The following TBCD variants were observed in gnomAD, a reference collection of about 807,000 sequenced individuals.
TBCD encodes tubulin folding cofactor D, also known as tubulin-specific chaperone D.
TBCD carries 105 observed loss-of-function variants against 169.3 expected under a neutral mutation model. That is an observed-to-expected ratio of 0.62 (90% CI 0.53 to 0.73). The LOEUF is 0.73. Ranked by LOEUF, TBCD falls within the 30% of genes least tolerant of loss-of-function variation. The pLI is 0.00. For synonymous variants in TBCD, 700 were observed against 643.9 expected (o/e 1.09, Z -1.32); for missense variants, 1,444 against 1,600.1 (o/e 0.90, Z 1.66).
Position 82,926,219 on chromosome 17 carries a change from T to C in TBCD, c.2380-181T>C, listed in dbSNP as rs868291328. The stretch of plus-strand genomic sequence containing the variant: ...GGCCGTGGAGAGGCTGGAGGTGACC[T>C]CTCCCCGGGTGTCCTTCCTGGGTTG... On this transcript the variant is annotated intron_variant, in intron 27 of 38. Coordinates refer to ENST00000355528, the MANE Select transcript of TBCD (RefSeq NM_005993.5). 4.8e-3 allele frequency among the ~76,000 whole-genome samples: 664 copies of C among 138,534 alleles called. 2 individuals carry two copies. The highest frequency in any genetic ancestry group is 7.2e-3 in the African/African-American group (274 of 38,162). The allele number at this position is 138,534 out of a possible 152,430, so 90.9% of individuals were successfully genotyped here. A position where few individuals can be genotyped will look rare whatever the true frequency, so the allele number is the denominator to read the frequency against.
At position 82,821,809 on chromosome 17, in the gene TBCD, C is replaced by G. The variant is rs187486171; in HGVS notation, c.1318+6875C>G. ...TGTGAACCTGCATCAGGTAGTAAGC[C>G]CTGCATGTCGGAAATACAGACTGCC... On this transcript the variant is annotated intron_variant, in intron 13 of 38. Coordinates refer to ENST00000355528, the MANE Select transcript of TBCD (RefSeq NM_005993.5). Among the ~76,000 whole-genome samples, 253 of 152,096 alleles carry G rather than the reference C, an allele frequency of 1.7e-3. 3 individuals carry two copies. Among genetic ancestry groups the G allele is most frequent in the Middle Eastern group, 0.01 (3 of 292 alleles).
chr17:82,830,011 G>T (rs1598765398), intron 13 of TBCD: 1 of 1,417,008 alleles, frequency 7.1e-7, no homozygotes, highest in Admixed American at 2.1e-5. Flanking sequence ...TTGTTTGTTT[G>T]TTTGTTTTTT....
intron 9 of TBCD, among the ~76,000 whole-genome samples, chr17:82,805,562 C>G (rs1481145224): frequency 6.6e-6 from 1 of 152,144 alleles, no homozygotes; most frequent in Non-Finnish European, 1.5e-5. Context: ...GGGTGCTTCC[C>G]CAGGGAAGGC....
chr17:82,833,215 C>T lies in TBCD; in HGVS notation c.1318+18281C>T, dbSNP rs917719946. Among the ~76,000 whole-genome samples the T allele has an allele frequency of 1.3e-4, 20 of 152,120 alleles. No homozygotes were observed. The highest frequency in any genetic ancestry group is 1.8e-4 in the Non-Finnish European group (12 of 67,968). On this transcript the variant is annotated intron_variant, in intron 13 of 38. Transcript: ENST00000355528. This position sits in a 1 kb window ranked among gnomAD's most constrained non-coding sequence, Gnocchi z 4.7. ...TTTACACAGAGCGTGGGCTGGCCAC[C>T]GTCTACTTGCTCCTACCTGCTGGCT...
chr17:82,894,708 C>T (rs1431935616), intron 17 of TBCD, among the ~76,000 whole-genome samples: 3 of 152,178 alleles, frequency 2.0e-5, no homozygotes, highest in Non-Finnish European at 4.4e-5. Flanking sequence ...TCTACTGGCC[C>T]GATGCAGTGG....
chr17:82,884,215 AT>A lies in TBCD; in HGVS notation c.1533+17del. 1 of 1,595,774 alleles carries A rather than the reference AT, an allele frequency of 6.3e-7. No individual in the cohort carries two copies. The highest frequency in any genetic ancestry group is 8.5e-7 in the Non-Finnish European group (1 of 1,170,168). ...AAGAGCAGCCTCTGTAAGTTTTCTCATTTTGATATTTCCTTTCCTGAAGGTG... is the reference window on the plus strand; with the variant it reads ...AAGAGCAGCCTCTGTAAGTTTTCTCATTTGATATTTCCTTTCCTGAAGGTG... On this transcript the variant is annotated intron_variant, in intron 15 of 38. Coordinates refer to ENST00000355528, the MANE Select transcript of TBCD (RefSeq NM_005993.5). The surrounding 1 kb of genome is among the most constrained non-coding windows in gnomAD (Gnocchi z 4.2).
In TBCD at chr17:82,832,273, C is replaced by T. The variant is rs375467494; in HGVS notation, c.1318+17339C>T. 168 of 1,614,186 alleles carry T rather than the reference C, an allele frequency of 1.0e-4. No homozygotes were observed. Among genetic ancestry groups the T allele is most frequent in the Non-Finnish European group, 1.3e-4 (156 of 1,180,040 alleles). ...GTTAGATTTAGGGCACTTGGGAACT[C>T]GATCCTGCTCTGATACTAAAGTAAT... is the stretch of plus-strand genomic sequence containing the variant. On this transcript the variant is annotated intron_variant, in intron 13 of 38. Transcript: ENST00000355528. The surrounding 1 kb of genome is among the most constrained non-coding windows in gnomAD (Gnocchi z 4.9).
intron 13 of TBCD, among the ~76,000 whole-genome samples, chr17:82,824,939 C>CT (rs35023165): frequency 0.016 from 2,411 of 149,566 alleles, 75 homozygotes; most frequent in African/African-American, 0.055. Flanking sequence ...AAATAAGTCT[C>CT]TTTTTTTTTT....
intron 13 of TBCD, among the ~76,000 whole-genome samples, chr17:82,869,278 C>T (rs1194081955): frequency 6.6e-6 from 1 of 152,206 alleles, no homozygotes; most frequent in African/African-American, 2.4e-5. Flanking sequence ...TCCCCATATA[C>T]TTACACCACG....
intron 12 of TBCD, among the ~76,000 whole-genome samples, chr17:82,813,756 C>G: frequency 6.6e-6 from 1 of 152,210 alleles, no homozygotes; most frequent in South Asian, 2.1e-4. Flanking sequence ...GCAAGGGGCT[C>G]ACGGAGCCTC....
At chr17:82,917,611 T>C (rs1196912595) in intron 23 of TBCD, among the ~76,000 whole-genome samples, 1 of 152,214 alleles carries the variant, frequency 6.6e-6, no homozygotes, top group Non-Finnish European at 1.5e-5. Context: ...TGATGTTGGC[T>C]CTTGACGGGA....
rs746743801 is a variant in TBCD at position 82,923,664 on chromosome 17, TCGGCC to T, written c.2193_2197del (p.Ala732GlyfsTer6). On this transcript the variant is annotated frameshift_variant, in exon 26 of 39. Coordinates refer to ENST00000355528, the MANE Select transcript of TBCD (RefSeq NM_005993.5). LOFTEE classifies it high-confidence loss of function. The surrounding 1 kb of genome is among the most constrained non-coding windows in gnomAD (Gnocchi z 4.6). ...GCCTTTGTTTTAGGATGCAGCAGTC[TCGGCC>T]CTGGCTGCTCTATGCAGTGAATATT... The T allele has an allele frequency of 6.3e-7, 1 of 1,582,220 alleles. No individual in the cohort carries two copies.
intron 17 of TBCD, among the ~76,000 whole-genome samples, chr17:82,894,587 C>A (rs2059357227): frequency 6.6e-6 from 1 of 152,326 alleles, no homozygotes; most frequent in South Asian, 2.1e-4. Flanking sequence ...GATCTTTGAA[C>A]ACACTTATCT....
chr17:82,923,788 T>A lies in TBCD; in HGVS notation c.2260+55T>A. On this transcript the variant is annotated intron_variant, in intron 26 of 38. Coordinates refer to ENST00000355528, the MANE Select transcript of TBCD (RefSeq NM_005993.5). The surrounding 1 kb of genome is among the most constrained non-coding windows in gnomAD (Gnocchi z 4.6). ...CCAGGGGCTTCCAGCAGGAAGCTGCTGGGGAGTGTCTGGGCACGGAGGAGG... is the reference window on the plus strand; with the variant it reads ...CCAGGGGCTTCCAGCAGGAAGCTGCAGGGGAGTGTCTGGGCACGGAGGAGG... 2 of 1,476,048 alleles carry A rather than the reference T, an allele frequency of 1.4e-6. No homozygotes were observed. The highest frequency in any genetic ancestry group is 1.8e-6 in the Non-Finnish European group (2 of 1,087,142). 91.4% of individuals were successfully genotyped at this position (1,476,048 alleles called of 1,614,324 possible).
intron 14 of TBCD, among the ~76,000 whole-genome samples, chr17:82,878,350 TGAG>T (rs2058107059): frequency 6.6e-6 from 1 of 152,240 alleles, no homozygotes; most frequent in African/African-American, 2.4e-5. Context: ...TTCTCAGACT[TGAG>T]GAGACCTCAC....
At chr17:82,905,866 C>A in intron 19 of TBCD, 70 bp from the exon 20 acceptor site, 1 of 1,254,424 alleles carries the variant, frequency 8.0e-7, no homozygotes. Context: ...TGTGTGGGTG[C>A]GTGTGGGCTT....
chr17:82,876,874 G>A (rs887243018), intron 14 of TBCD: 6 of 686,568 alleles, frequency 8.7e-6, no homozygotes, highest in Non-Finnish European at 1.1e-5. Flanking sequence ...AGTACTGCCG[G>A]GAGAGGGAGC....
rs553182227 is a variant in TBCD, at chr17:82,852,966, A to G, written c.1319-17258A>G. On this transcript the variant is annotated intron_variant, in intron 13 of 38. Coordinates refer to ENST00000355528, the MANE Select transcript of TBCD (RefSeq NM_005993.5). Reference sequence around the variant, plus strand: ...CTGGCTTGCGATGCGTTCTGTTTTGAGGTTAGTGATGATGATGGAGAGCGG... The same window carrying G: ...CTGGCTTGCGATGCGTTCTGTTTTGGGGTTAGTGATGATGATGGAGAGCGG... 1.2e-4 allele frequency among the ~76,000 whole-genome samples: 19 copies of G among 152,234 alleles called. No homozygotes were observed. The East Asian group carries it at 3.5e-3, about 28-fold the overall frequency.
chr17:82,843,498 CATCCA>C (rs2054724353), intron 13 of TBCD, among the ~76,000 whole-genome samples: 6 of 124,954 alleles, frequency 4.8e-5, no homozygotes, highest in African/African-American at 2.0e-4. Context: ...TTCCCCTCAC[CATCCA>C]GCTTACTTAC....
Sources: allele counts gnomAD v4.1 joint callset (sites outside exome capture counted in the v4.1 genomes callset), GRCh38; gene constraint gnomAD v4.1.1; non-coding constraint Gnocchi (gnomAD v3.1); transcripts MANE v1.5; gene names NCBI Gene and HGNC (gene_info 2026-07-23, HGNC 2026-07-21).